ADAM12: variants seen among roughly 807,000 people sequenced by gnomAD.
ADAM12 encodes the protein ADAM metallopeptidase domain 12, also known as disintegrin and metalloproteinase domain-containing protein 12.
ADAM12 carries 70 observed loss-of-function variants against 106.4 expected under a neutral mutation model. The observed-to-expected ratio is 0.66, with a 90% CI of 0.54 to 0.80. The LOEUF is 0.80. ADAM12 is among the 30% of genes least tolerant of loss of function. The probability of loss-of-function intolerance (pLI) is 0.00; values close to 1 mark genes in which losing one functional copy is unlikely to be tolerated. For missense variants in ADAM12, 1,010 were observed against 1,171.9 expected (o/e 0.86, Z 2.02); for synonymous variants, 420 against 433.5 (o/e 0.97, Z 0.39).
At chr10:126,385,111 T>G (rs922710350) in intron 1 of ADAM12, among the ~76,000 whole-genome samples, 6 of 152,170 alleles carry the variant, frequency 3.9e-5, no homozygotes, top group African/African-American at 1.2e-4. Context: ...GGGACACAGA[T>G]GAAAAACAGT....
intron 3 of ADAM12, among the ~76,000 whole-genome samples, chr10:126,260,102 TCCATACACATTA>T (rs908014261): frequency 6.0e-4 from 92 of 152,276 alleles, no homozygotes; most frequent in East Asian, 4.8e-3. Flanking sequence ...CAGCATTTCT[TCCATACACATTA>T]CCATACACAT....
intron 1 of ADAM12, among the ~76,000 whole-genome samples, chr10:126,384,176 C>G (rs1305270307): frequency 6.6e-6 from 1 of 152,136 alleles, no homozygotes. Context: ...GTGCTTGGGT[C>G]CCCGATCACA....
At chr10:126,138,547 G>T (rs1191875713) in intron 4 of ADAM12, among the ~76,000 whole-genome samples, 1 of 151,986 alleles carries the variant, frequency 6.6e-6, no homozygotes, top group Non-Finnish European at 1.5e-5. Flanking sequence ...GCTAATTTTT[G>T]TATTTTTTTG....
chr10:126,217,030 G>A (rs1250824078), intron 3 of ADAM12, among the ~76,000 whole-genome samples: 1 of 152,090 alleles, frequency 6.6e-6, no homozygotes, highest in Non-Finnish European at 1.5e-5. Context: ...TTCCAACTCT[G>A]AGCTCAAGAA....
intron 3 of ADAM12, among the ~76,000 whole-genome samples, chr10:126,243,244 A>T (rs986986743): frequency 3.9e-5 from 6 of 152,228 alleles, no homozygotes; most frequent in African/African-American, 1.4e-4. Context: ...GCCAACAGCC[A>T]GCCCTTGCCA....
At chr10:126,302,890 G>A (rs1006047393) in intron 2 of ADAM12, among the ~76,000 whole-genome samples, 2 of 152,170 alleles carry the variant, frequency 1.3e-5, no homozygotes, top group Non-Finnish European at 2.9e-5. Context: ...TTCACTAGTT[G>A]AGCACAATGG....
At chr10:126,034,424 TACAA>T (rs1564999090) in intron 21 of ADAM12, among the ~76,000 whole-genome samples, 1 of 151,998 alleles carries the variant, frequency 6.6e-6, no homozygotes, top group Admixed American at 6.6e-5. Context: ...ACAAAAAAAA[TACAA>T]AGATATATAC....
chr10:126,167,679 C>T (rs1323827903), intron 3 of ADAM12, among the ~76,000 whole-genome samples: 2 of 152,142 alleles, frequency 1.3e-5, no homozygotes, highest in Non-Finnish European at 2.9e-5. Context: ...ACATACCACC[C>T]GCAAATAGTC....
intron 14 of ADAM12, among the ~76,000 whole-genome samples, chr10:126,060,270 T>C (rs7076519): frequency 0.36 from 54,933 of 152,076 alleles, 10,463 homozygotes; most frequent in East Asian, 0.67. Flanking sequence ...TATTGAAATA[T>C]AACGCCAGAT....
chr10:126,042,966 T>C (rs7911793), intron 18 of ADAM12, 74 bp downstream of exon 18: 405,001 of 1,420,406 alleles, frequency 0.29, 61,058 homozygotes, highest in African/African-American at 0.44. Flanking sequence ...CCTGCACCCA[T>C]GCTGACAGCT....
intron 1 of ADAM12, among the ~76,000 whole-genome samples, chr10:126,341,730 G>A (rs1053095736): frequency 6.6e-6 from 1 of 152,172 alleles, no homozygotes; most frequent in Non-Finnish European, 1.5e-5. Context: ...TCTGTTTAAG[G>A]ATCCATGCCT....
intron 16 of ADAM12, among the ~76,000 whole-genome samples, chr10:126,047,357 G>A (rs907825334): frequency 6.6e-6 from 1 of 152,080 alleles, no homozygotes; most frequent in Non-Finnish European, 1.5e-5. Flanking sequence ...CGGTGGGTGC[G>A]AATCCTGGCC....
chr10:126,173,817 G>A lies in ADAM12; in HGVS notation c.261-18512C>T, dbSNP rs573870948. Among the ~76,000 whole-genome samples, 2 of 152,016 alleles carry A rather than the reference G, an allele frequency of 1.3e-5. 1 individual carries two copies. The highest frequency in any genetic ancestry group is 4.8e-5 in the African/African-American group (2 of 41,458). On this transcript the variant is annotated intron_variant, in intron 3 of 22. Transcript: ENST00000448723. ...ATTTCTCAGGCCGGTCTGGGACCTT[G>A]GTGTCAGAAACCACCTCAGGCCAAG... is the stretch of plus-strand genomic sequence containing the variant.
At chr10:126,215,724 A>C (rs1957975674) in intron 3 of ADAM12, among the ~76,000 whole-genome samples, 1 of 152,216 alleles carries the variant, frequency 6.6e-6, no homozygotes, top group African/African-American at 2.4e-5. Flanking sequence ...GCCTGCAATG[A>C]AAAATAAGCC....
At chr10:126,276,489 T>A (rs376469446) in intron 3 of ADAM12, among the ~76,000 whole-genome samples, 2 of 152,312 alleles carry the variant, frequency 1.3e-5, no homozygotes, top group East Asian at 3.9e-4. Context: ...ATTCATTGCG[T>A]CAAAGGTATA....
chr10:126,304,008 C>T (rs1356917889), intron 2 of ADAM12, among the ~76,000 whole-genome samples: 1 of 152,146 alleles, frequency 6.6e-6, no homozygotes, highest in Non-Finnish European at 1.5e-5. Flanking sequence ...TACCTTAACA[C>T]ATCCATCATA....
chr10:126,122,425 GTTTA>G (rs1221023529), intron 5 of ADAM12, among the ~76,000 whole-genome samples: 1 of 152,130 alleles, frequency 6.6e-6, no homozygotes, highest in Non-Finnish European at 1.5e-5. Context: ...GAGGATTTTT[GTTTA>G]TTAAAGTTGA....
chr10:126,297,547 C>T (rs922185897), intron 2 of ADAM12, among the ~76,000 whole-genome samples: 26 of 152,242 alleles, frequency 1.7e-4, no homozygotes, highest in African/African-American at 5.8e-4. Context: ...AAGGCCCTGT[C>T]TCAGGAATGA....
At chr10:126,323,073 T>C (rs1319188367) in intron 2 of ADAM12, among the ~76,000 whole-genome samples, 1 of 152,116 alleles carries the variant, frequency 6.6e-6, no homozygotes, top group East Asian at 1.9e-4. Flanking sequence ...GGGAACAGTG[T>C]TCCAACCATG....
Sources: gnomAD v4.1 joint callset for allele counts (sites outside exome capture counted in the v4.1 genomes callset) on GRCh38, gnomAD v4.1.1 for gene constraint, MANE v1.5 for transcripts, NCBI Gene and HGNC (gene_info 2026-07-23, HGNC 2026-07-21) for gene names.